RANBP17: variants seen among roughly 807,000 people sequenced by gnomAD.
RANBP17 encodes RAN binding protein 17, also known as ran-binding protein 17.
A neutral mutation model predicts 141.2 loss-of-function variants in RANBP17; 158 were observed. The ratio of observed to expected loss-of-function variants is 1.12; its 90% confidence interval spans 0.98 to 1.28. The LOEUF is 1.28. Among genes scored for constraint, RANBP17 ranks in the 50% most tolerant of loss-of-function variants. RANBP17 has a pLI of 0.00. For missense variants in RANBP17, 1,438 were observed against 1,290.7 expected (o/e 1.11, Z -1.75); for synonymous variants, 430 against 450.0 (o/e 0.96, Z 0.56).
At chr5:171,089,277 C>T (rs1405117831) in intron 14 of RANBP17, among the ~76,000 whole-genome samples, 10 of 98,186 alleles carry the variant, frequency 1.0e-4, no homozygotes, top group African/African-American at 2.5e-4. Flanking sequence ...GCTCGGGGGT[C>T]ACGGGTCAGG....
At chr5:170,947,176 T>C (rs1388253588) in intron 12 of RANBP17, among the ~76,000 whole-genome samples, 1 of 152,200 alleles carries the variant, frequency 6.6e-6, no homozygotes, top group Non-Finnish European at 1.5e-5. Context: ...ACTATTACCA[T>C]TCATTATTAA....
At chr5:171,188,942 G>T (rs1761447741) in intron 18 of RANBP17, among the ~76,000 whole-genome samples, 1 of 152,016 alleles carries the variant, frequency 6.6e-6, no homozygotes, top group South Asian at 2.1e-4. Flanking sequence ...TGAGGTATGA[G>T]AAACTGAAAT....
At chr5:171,268,428 C>G (rs773263756) in intron 25 of RANBP17, among the ~76,000 whole-genome samples, 1 of 152,064 alleles carries the variant, frequency 6.6e-6, no homozygotes, top group Non-Finnish European at 1.5e-5. Context: ...GACTGAAAAG[C>G]GCAAGTTCTT....
At position 170,953,673 on chromosome 5, in the gene RANBP17, T is replaced by C. The variant is rs771702702; in HGVS notation, c.1545T>C (p.His515=). 6.2e-7 allele frequency: 1 copy of C among 1,608,526 alleles called. No homozygotes were observed. Among genetic ancestry groups the C allele is most frequent in the East Asian group, 2.2e-5 (1 of 44,754 alleles). ...TAACATATACCAGTACAGATGAGCA[T>C]GATGCTATGGATGGAGAATTATCCT... ...GRLTYTSTDE[H]DAMDGELSCR... The change falls in exon 13 of 28, where the codon CAT becomes CAC. Residue 515 remains histidine (H), a synonymous_variant. Coordinates refer to ENST00000523189, the MANE Select transcript of RANBP17 (RefSeq NM_022897.5).
chr5:171,146,747 A>G (rs1012430727), intron 14 of RANBP17, among the ~76,000 whole-genome samples: 2 of 152,210 alleles, frequency 1.3e-5, no homozygotes, highest in African/African-American at 4.8e-5. Context: ...CTACCCAGGT[A>G]ATAGTAGCAA....
chr5:171,193,073 C>A (rs1431613048), intron 18 of RANBP17, among the ~76,000 whole-genome samples: 1 of 152,158 alleles, frequency 6.6e-6, no homozygotes, highest in Non-Finnish European at 1.5e-5. Flanking sequence ...TCTGAGATTG[C>A]CCATTGTTAC....
At chr5:170,954,672 A>G (rs545095659) in intron 13 of RANBP17, among the ~76,000 whole-genome samples, 27 of 151,610 alleles carry the variant, frequency 1.8e-4, no homozygotes, top group African/African-American at 6.0e-4. Flanking sequence ...TTGTTCCTCA[A>G]TTTTTTTTAT....
intron 14 of RANBP17, among the ~76,000 whole-genome samples, chr5:170,983,893 T>C (rs1777937886): frequency 1.3e-5 from 2 of 152,110 alleles, no homozygotes; most frequent in African/African-American, 4.8e-5. Flanking sequence ...TTGAAGCTGC[T>C]GAAGAGGAAG....
chr5:170,909,722 C>A lies in RANBP17; in HGVS notation c.551C>A (p.Ser184Tyr). The A allele has an allele frequency of 3.8e-6, 6 of 1,595,282 alleles. No individual in the cohort carries two copies. Among genetic ancestry groups the A allele is most frequent in the Non-Finnish European group, 5.1e-6 (6 of 1,165,528 alleles). ...RKIATSFRDT[S>Y]LKDVLVLACS... ...ATAGCTACCTCATTTCGTGATACTT[C>A]TCTCAAAGACGTTTTAGTGCTAGCA... The change falls in exon 6 of 28, where the codon TCT (serine) becomes TAT (tyrosine). Residue 184 changes from serine to tyrosine, a missense_variant. Transcript: ENST00000523189.
At position 171,054,834 on chromosome 5, in the gene RANBP17, A is replaced by C. The variant is rs993497828; in HGVS notation, c.1710+86457A>C. 5.9e-5 allele frequency among the ~76,000 whole-genome samples: 9 copies of C among 152,130 alleles called. No homozygotes were observed. The East Asian group carries it at 1.7e-3, about 29-fold the overall frequency. ...TAATCTTAAGGGTTGTAGAGGGACA[A>C]TGATGCATCTTCTATAACTTCTTCA... On this transcript the variant is annotated intron_variant, in intron 14 of 27. Transcript: ENST00000523189.
chr5:171,128,372 G>A (rs1162914610), intron 14 of RANBP17, among the ~76,000 whole-genome samples: 1 of 152,110 alleles, frequency 6.6e-6, no homozygotes, highest in Non-Finnish European at 1.5e-5. Flanking sequence ...TCCATTAGAT[G>A]AAACTGGAGG....
In RANBP17 at chr5:171,071,971, T is replaced by G. The variant is rs375530682; in HGVS notation, c.1711-98159T>G. On this transcript the variant is annotated intron_variant, in intron 14 of 27. Transcript: ENST00000523189. Reference sequence around the variant, plus strand: ...GTCAAGTGCTGAATGGGAGAAAACATTTGGAAATTCCAAGTCCAGCAAGTG... The same window carrying G: ...GTCAAGTGCTGAATGGGAGAAAACAGTTGGAAATTCCAAGTCCAGCAAGTG... Among the ~76,000 whole-genome samples, 25 of 152,190 alleles carry G rather than the reference T, an allele frequency of 1.6e-4. No homozygotes were observed. The East Asian group carries it at 2.5e-3, about 15-fold the overall frequency.
At chr5:171,119,412 C>T (rs1052933417) in intron 14 of RANBP17, among the ~76,000 whole-genome samples, 5 of 152,256 alleles carry the variant, frequency 3.3e-5, no homozygotes, top group Non-Finnish European at 2.9e-5. Context: ...TCCTTCACAT[C>T]ATTTTTTTAA....
chr5:170,985,398 A>G (rs1778078277), intron 14 of RANBP17, among the ~76,000 whole-genome samples: 2 of 152,224 alleles, frequency 1.3e-5, no homozygotes, highest in South Asian at 4.1e-4. Context: ...CAAGCATAGT[A>G]TAATAGAATT....
intron 25 of RANBP17, among the ~76,000 whole-genome samples, chr5:171,278,116 A>C (rs910834196): frequency 3.3e-5 from 5 of 151,686 alleles, no homozygotes; most frequent in Admixed American, 6.6e-5. Flanking sequence ...CAGCAATTTG[A>C]GAAGCTGAAG....
chr5:171,012,424 A>G (rs961953369), intron 14 of RANBP17, among the ~76,000 whole-genome samples: 4 of 152,088 alleles, frequency 2.6e-5, no homozygotes, highest in African/African-American at 4.8e-5. Context: ...TTTTTGGTTT[A>G]CATAAGCCCT....
chr5:171,199,328 C>T (rs1762163213), intron 18 of RANBP17, among the ~76,000 whole-genome samples: 2 of 152,066 alleles, frequency 1.3e-5, no homozygotes. Flanking sequence ...AACACTGCGT[C>T]TCTGAGGCTT....
At chr5:171,197,316 G>A (rs1046380418) in intron 18 of RANBP17, among the ~76,000 whole-genome samples, 8 of 152,070 alleles carry the variant, frequency 5.3e-5, no homozygotes, top group African/African-American at 1.9e-4. Context: ...TATTTATTGA[G>A]CATCTTCTGT....
At chr5:170,966,790 A>G (rs966756266) in intron 13 of RANBP17, among the ~76,000 whole-genome samples, 3 of 152,046 alleles carry the variant, frequency 2.0e-5, no homozygotes, top group African/African-American at 7.2e-5. Context: ...TATATCTAGA[A>G]AACCCCATTG....
Sources: gnomAD v4.1 joint callset for allele counts (sites outside exome capture counted in the v4.1 genomes callset) on GRCh38, gnomAD v4.1.1 for gene constraint, MANE v1.5 for transcripts, NCBI Gene and HGNC (gene_info 2026-07-23, HGNC 2026-07-21) for gene names.